Variants in MRO observed in about 807,000 individuals in gnomAD.
MRO encodes the protein protein maestro.
MRO carries 28 observed loss-of-function variants against 31.0 expected under a neutral mutation model. The ratio of observed to expected loss-of-function variants is 0.90; its 90% CI spans 0.67 to 1.24. The LOEUF (loss-of-function observed/expected upper bound fraction) is 1.24, where lower values mean the gene tolerates loss of function less well. MRO is among the 50% of genes most tolerant of loss of function. The probability of loss-of-function intolerance (pLI) is 0.00; values close to 1 mark genes in which losing one functional copy is unlikely to be tolerated. For missense variants in MRO, 332 were observed against 289.2 expected (o/e 1.15, Z -1.07); for synonymous variants, 108 against 108.4 (o/e 1.00, Z 0.02).
Position 50,798,635 on chromosome 18 carries a change from A to T in MRO, c.*702T>A, listed in dbSNP as rs975855963. The T allele has an allele frequency of 2.0e-5, 3 of 152,194 alleles. No homozygotes were observed. Among genetic ancestry groups the T allele is most frequent in the Non-Finnish European group, 4.4e-5 (3 of 68,050 alleles). The allele number at this position is 152,194 out of a possible 1,614,324, so 9.4% of individuals were successfully genotyped here. ...GTATTAAATAGAACTTACAAAAAGC[A>T]CTTTGACCGTGCCCACTGAATTGTA... On this transcript the variant is annotated 3_prime_UTR_variant, in exon 8 of 8. Coordinates refer to ENST00000398439, the MANE Select transcript of MRO (RefSeq NM_031939.6).
chr18:50,825,138 A>T (rs1599054421), intron 1 of MRO, among the ~76,000 whole-genome samples: 1 of 152,078 alleles, frequency 6.6e-6, no homozygotes, highest in African/African-American at 2.4e-5. Flanking sequence ...TACCTGAGAT[A>T]TTAATTACTC....
chr18:50,799,457 G>T, intron 7 of MRO, 67 bp from the exon 8 acceptor site: 1 of 1,357,016 alleles, frequency 7.4e-7, no homozygotes, highest in Non-Finnish European at 1.1e-6. Context: ...AATGTAACTA[G>T]TAGGCAGTGA....
In MRO at chr18:50,809,323, T is replaced by A; in HGVS notation, c.78A>T (p.Ser26=). 6.2e-7 allele frequency: 1 copy of A among 1,613,528 alleles called. No homozygotes were observed. Among genetic ancestry groups the A allele is most frequent in the Non-Finnish European group, 8.5e-7 (1 of 1,179,658 alleles). The change falls in exon 3 of 8, where the codon TCA becomes TCT. Residue 26 remains serine, a synonymous_variant. Coordinates refer to ENST00000398439, the MANE Select transcript of MRO (RefSeq NM_031939.6). ...AGACCTTGGAAAAGAAAGATATCAT[T>A]GATGTCCTTTTCTGCTTGGGCTGGG... The part of the protein sequence containing the change: ...PTSQPKQKRT[S]MISFFSKVSW...
rs1315501110 is a variant in MRO at position 50,809,344 on chromosome 18, C to T, written c.57G>A (p.Gln19=). 10 of 1,613,552 alleles carry T rather than the reference C, an allele frequency of 6.2e-6. No homozygotes were observed. Among genetic ancestry groups the T allele is most frequent in the Non-Finnish European group, 6.8e-6 (8 of 1,179,862 alleles). ...TCATTGATGTCCTTTTCTGCTTGGG[C>T]TGGGAAGTAGGGATGGAAAGGGGCT... is the stretch of plus-strand genomic sequence containing the variant. ...LGQPLSIPTS[Q]PKQKRTSMIS... Residue 19 remains glutamine (Q), a synonymous_variant, in exon 3 of 8, where the codon CAG becomes CAA. Coordinates refer to ENST00000398439, the MANE Select transcript of MRO (RefSeq NM_031939.6).
chr18:50,799,938 T>A, intron 7 of MRO, 98 bp downstream of exon 7: 1 of 826,592 alleles, frequency 1.2e-6, no homozygotes, highest in South Asian at 1.7e-5. Context: ...TGAGTCATTT[T>A]AAGGGGGTAA....
chr18:50,803,518 A>AAT (rs1555668074), intron 5 of MRO, among the ~76,000 whole-genome samples: 121 of 151,612 alleles, frequency 8.0e-4, no homozygotes, highest in African/African-American at 2.7e-3. Context: ...AAAAAAAAAA[A>AAT]AAAAGTGGTT....
chr18:50,801,182 A>G (rs1913275286), intron 6 of MRO, among the ~76,000 whole-genome samples, 167 bp downstream of exon 6: 1 of 152,144 alleles, frequency 6.6e-6, no homozygotes, highest in Admixed American at 6.5e-5. Flanking sequence ...TTGCTCAAAG[A>G]GAGATTACAC....
At chr18:50,813,239 C>T (rs149474299) in intron 2 of MRO, among the ~76,000 whole-genome samples, 2 of 152,278 alleles carry the variant, frequency 1.3e-5, no homozygotes, top group East Asian at 3.9e-4. Context: ...ACTTCCAGGA[C>T]CTATATCTCC....
At position 50,805,315 on chromosome 18, in the gene MRO, C is replaced by T. The variant is rs767549232; in HGVS notation, c.268G>A (p.Val90Ile). The change falls in exon 5 of 8, where the codon GTC becomes ATC. Residue 90 changes from valine (V) to isoleucine (I), a missense_variant. Transcript: ENST00000398439. ...PDKVRKYKKI[V>I]LDLLVYGLYD... ...AGTCCATACACCAGCAGGTCGAGGA[C>T]AATTTTCTTATACTTTCTCACCTGT... 5 of 1,613,790 alleles carry T rather than the reference C, an allele frequency of 3.1e-6. No individual in the cohort carries two copies. The highest frequency in any genetic ancestry group is 4.2e-6 in the Non-Finnish European group (5 of 1,179,896).
At chr18:50,810,047 C>A (rs1395324535) in intron 2 of MRO, among the ~76,000 whole-genome samples, 1 of 152,180 alleles carries the variant, frequency 6.6e-6, no homozygotes, top group Non-Finnish European at 1.5e-5. Flanking sequence ...CTCATTGCAG[C>A]TTCTACCTCC....
At chr18:50,802,283 T>G (rs1321630428) in intron 5 of MRO, among the ~76,000 whole-genome samples, 1 of 152,172 alleles carries the variant, frequency 6.6e-6, no homozygotes, top group Non-Finnish European at 1.5e-5. Context: ...CCCAACACCC[T>G]CCCACCTCTC....
At chr18:50,806,119 G>T (rs925642588) in intron 4 of MRO, among the ~76,000 whole-genome samples, 13 of 152,076 alleles carry the variant, frequency 8.5e-5, no homozygotes, top group Admixed American at 1.3e-4. Context: ...AAATATAAAA[G>T]AAATGGGGTT....
intron 3 of MRO, among the ~76,000 whole-genome samples, chr18:50,808,642 A>G (rs1914161075): frequency 6.6e-6 from 1 of 151,088 alleles, no homozygotes; most frequent in Non-Finnish European, 1.5e-5. Context: ...TTTTTGGTAG[A>G]GACAGGGTTT....
intron 1 of MRO, 56 bp from the exon 2 acceptor site, chr18:50,819,758 G>T: frequency 6.5e-7 from 1 of 1,548,090 alleles, no homozygotes; most frequent in Non-Finnish European, 8.7e-7. Flanking sequence ...AGGATAACGG[G>T]TCGGCACAGA....
chr18:50,820,207 T>C (rs1319190980), upstream of MRO: 5 of 569,280 alleles, frequency 8.8e-6, no homozygotes, highest in Admixed American at 1.2e-4. Context: ...CTGTGTTCCA[T>C]GCCAAGCAGC....
upstream of MRO, among the ~76,000 whole-genome samples, chr18:50,821,483 T>C (rs1915300606): frequency 6.6e-6 from 1 of 152,204 alleles, no homozygotes; most frequent in Admixed American, 6.5e-5. Context: ...ATCTATATAC[T>C]GAACTAATCC....
chr18:50,820,127 A>G (rs2849238), upstream of MRO: 640,485 of 640,568 alleles, frequency 1, 320,201 homozygotes, highest in Middle Eastern at 1. Flanking sequence ...CCCCTGCACA[A>G]AGCCGCCGCC....
chr18:50,824,396 A>G (rs1457941585), upstream of MRO, among the ~76,000 whole-genome samples: 1 of 151,580 alleles, frequency 6.6e-6, no homozygotes, highest in Non-Finnish European at 1.5e-5. Flanking sequence ...AGCCATGATC[A>G]TGCCACTGCA....
At chr18:50,811,976 A>G (rs1301847707) in intron 2 of MRO, among the ~76,000 whole-genome samples, 2 of 152,180 alleles carry the variant, frequency 1.3e-5, no homozygotes, top group Non-Finnish European at 2.9e-5. Flanking sequence ...TCCTGACCTC[A>G]AGTGATCTGC....
Sources: gnomAD v4.1 joint callset for allele counts (sites outside exome capture counted in the v4.1 genomes callset) on GRCh38, gnomAD v4.1.1 for gene constraint, MANE v1.5 for transcripts, NCBI Gene and HGNC (gene_info 2026-07-23, HGNC 2026-07-21) for gene names.